DOCK3: variants seen among roughly 807,000 people sequenced by gnomAD.
DOCK3 encodes dedicator of cytokinesis 3.
Under a neutral mutation model 265.6 loss-of-function variants are expected in DOCK3, and 60 were observed. The ratio of observed to expected loss-of-function variants is 0.23; its 90% CI spans 0.18 to 0.28. The LOEUF (loss-of-function observed/expected upper bound fraction) is 0.28, where lower values mean the gene tolerates loss of function less well. Among genes scored for constraint, DOCK3 ranks in the 10% least tolerant of loss-of-function variants. DOCK3 has a pLI of 1.00. For synonymous variants in DOCK3, 881 were observed against 938.0 expected, an observed-to-expected ratio of 0.94 and a Z score of 1.11; for missense variants, 1,981 against 2,594.3, an observed-to-expected ratio of 0.76 and a Z score of 5.14.
chr3:50,970,714 G>C (rs928320390), intron 5 of DOCK3, among the ~76,000 whole-genome samples: 1 of 140,306 alleles, frequency 7.1e-6, no homozygotes, highest in Admixed American at 7.2e-5. Flanking sequence ...CTTTTTCTTA[G>C]ATCTCATTGA....
intron 3 of DOCK3, 23 bp downstream of exon 3, chr3:50,841,738 C>CTTTTCT: frequency 1.9e-6 from 1 of 536,468 alleles, no homozygotes. Flanking sequence ...TTATTGTTAC[C>CTTTTCT]TTTTCTAATG....
intron 1 of DOCK3, among the ~76,000 whole-genome samples, chr3:50,741,769 T>G (rs1268165874): frequency 5.3e-5 from 8 of 152,232 alleles, no homozygotes; most frequent in Non-Finnish European, 1.0e-4. Context: ...GCATGATTTA[T>G]AGTCCTTTGG....
intron 5 of DOCK3, among the ~76,000 whole-genome samples, chr3:51,021,847 G>T (rs548159238): frequency 6.6e-6 from 1 of 152,070 alleles, no homozygotes; most frequent in South Asian, 2.1e-4. Context: ...ATTTTTAGTA[G>T]AGAAGGGGTT....
chr3:51,262,996 T>G (rs1001404532), intron 23 of DOCK3, among the ~76,000 whole-genome samples: 3 of 152,172 alleles, frequency 2.0e-5, no homozygotes, highest in African/African-American at 7.2e-5. Context: ...AAAACACTCT[T>G]CAGGATATTA....
chr3:51,094,422 C>CG (rs2082747498), intron 9 of DOCK3, among the ~76,000 whole-genome samples: 1 of 28,168 alleles, frequency 3.6e-5, no homozygotes, highest in African/African-American at 2.5e-4. Flanking sequence ...GGAATTTATC[C>CG]ATTTTTTCTA....
intron 5 of DOCK3, among the ~76,000 whole-genome samples, chr3:50,961,668 A>G (rs141845069): frequency 6.6e-6 from 1 of 152,348 alleles, no homozygotes; most frequent in African/African-American, 2.4e-5. Flanking sequence ...GACTTTAATT[A>G]GACTTTTGAA....
chr3:50,850,878 A>G (rs933996970), intron 3 of DOCK3, among the ~76,000 whole-genome samples: 2 of 152,142 alleles, frequency 1.3e-5, no homozygotes, highest in South Asian at 2.1e-4. Context: ...GGGTCTGACT[A>G]TGTACTTGAT....
chr3:51,241,363 C>T (rs528611158), intron 21 of DOCK3, among the ~76,000 whole-genome samples: 1 of 152,152 alleles, frequency 6.6e-6, no homozygotes, highest in Non-Finnish European at 1.5e-5. Context: ...TTTTTTCTTT[C>T]ATTTTGACCT....
chr3:50,787,843 A>G (rs760524782), intron 2 of DOCK3: 79 of 1,113,128 alleles, frequency 7.1e-5, no homozygotes, highest in Non-Finnish European at 1.0e-4. Context: ...GTTTAAGAAC[A>G]GGAGTCTCTT....
At chr3:50,880,048 G>A (rs1246720140) in intron 3 of DOCK3, among the ~76,000 whole-genome samples, 4 of 152,212 alleles carry the variant, frequency 2.6e-5, no homozygotes, top group African/African-American at 7.2e-5. Context: ...ACATAACAAA[G>A]TGAAGGCAGA....
intron 5 of DOCK3, among the ~76,000 whole-genome samples, chr3:51,012,475 C>T (rs1005554174): frequency 3.3e-5 from 5 of 152,128 alleles, no homozygotes; most frequent in South Asian, 2.1e-4. Context: ...TCCTCGTGTC[C>T]GTTTGCTAAG....
At chr3:51,285,171 G>T (rs1276361216) in intron 27 of DOCK3, among the ~76,000 whole-genome samples, 1 of 152,112 alleles carries the variant, frequency 6.6e-6, no homozygotes, top group African/African-American at 2.4e-5. Flanking sequence ...GATTTGAGAG[G>T]CACCTTAGAA....
At chr3:50,908,639 A>T (rs1250781585) in intron 4 of DOCK3, among the ~76,000 whole-genome samples, 2 of 152,116 alleles carry the variant, frequency 1.3e-5, no homozygotes, top group South Asian at 2.1e-4. Context: ...ACTTCTGATT[A>T]TGTGATCTAT....
At chr3:51,279,121 G>A (rs1391271228) in intron 26 of DOCK3, among the ~76,000 whole-genome samples, 6 of 151,972 alleles carry the variant, frequency 3.9e-5, no homozygotes, top group Non-Finnish European at 5.9e-5. Context: ...GCATGGTGGT[G>A]GGCGCCTGTA....
At chr3:51,027,437 G>A (rs531372578) in intron 5 of DOCK3, among the ~76,000 whole-genome samples, 2 of 152,016 alleles carry the variant, frequency 1.3e-5, no homozygotes, top group East Asian at 3.9e-4. Flanking sequence ...GATTTTAGGT[G>A]GGGTATTCTG....
intron 27 of DOCK3, among the ~76,000 whole-genome samples, chr3:51,284,797 G>C (rs1333418174): frequency 6.6e-6 from 1 of 152,096 alleles, no homozygotes; most frequent in Non-Finnish European, 1.5e-5. Flanking sequence ...CACACATTAA[G>C]TGCCACAACT....
At chr3:51,084,573 A>G (rs1362548236) in intron 7 of DOCK3, among the ~76,000 whole-genome samples, 3 of 152,166 alleles carry the variant, frequency 2.0e-5, no homozygotes, top group African/African-American at 7.2e-5. Flanking sequence ...TCACCACTGG[A>G]CCAGTCCTAC....
intron 1 of DOCK3, among the ~76,000 whole-genome samples, chr3:50,691,926 T>C (rs1317205289): frequency 6.6e-6 from 1 of 151,552 alleles, no homozygotes; most frequent in African/African-American, 2.4e-5. Context: ...TTTTTTTTTT[T>C]TTTTTTTGAG....
chr3:50,763,541 C>G (rs1219080928), intron 1 of DOCK3, among the ~76,000 whole-genome samples: 2 of 152,216 alleles, frequency 1.3e-5, no homozygotes, highest in Non-Finnish European at 2.9e-5. Flanking sequence ...CTGCGGCCCC[C>G]CAAAGTGCTG....
Sources: gnomAD v4.1 joint callset for allele counts (sites outside exome capture counted in the v4.1 genomes callset) on GRCh38, gnomAD v4.1.1 for gene constraint, MANE v1.5 for transcripts, NCBI Gene and HGNC (gene_info 2026-07-23, HGNC 2026-07-21) for gene names.